NSG1: variants seen among roughly 807,000 people sequenced by gnomAD.
NSG1 encodes neuronal vesicle trafficking associated 1, also known as neuronal vesicle trafficking-associated protein 1.
Under a neutral mutation model 19.3 loss-of-function variants are expected in NSG1, and 9 were observed. The ratio of observed to expected loss-of-function variants is 0.47; its 90% CI spans 0.28 to 0.81. The LOEUF is 0.81. Ranked by LOEUF, NSG1 falls within the 40% of genes least tolerant of loss-of-function variation. NSG1 has a pLI of 0.11. For synonymous variants in NSG1, 104 were observed against 107.0 expected (o/e 0.97, Z 0.17); for missense variants, 236 against 242.4 (o/e 0.97, Z 0.18).
intron 3 of NSG1, among the ~76,000 whole-genome samples, chr4:4,394,664 G>A (rs756284503): frequency 6.6e-6 from 1 of 152,152 alleles, no homozygotes; most frequent in African/African-American, 2.4e-5. Context: ...CTCATCAGCC[G>A]CTCTATGCCA....
intron 4 of NSG1, chr4:4,415,898 G>A: frequency 1.8e-6 from 1 of 568,864 alleles, no homozygotes; most frequent in Non-Finnish European, 3.1e-6. Flanking sequence ...GGCCTGCAGA[G>A]CCTCCTTCCT....
In NSG1 at chr4:4,391,936, A is replaced by G. The variant is rs537760704; in HGVS notation, c.246+345A>G. 1.0e-4 allele frequency among the ~76,000 whole-genome samples: 16 copies of G among 152,390 alleles called. No homozygotes were observed. The South Asian group carries it at 3.1e-3, about 30-fold the overall frequency. ...AACAGTTCCAGGAAGGAAGCAGGCA[A>G]TAACAAAAAGATAACGCACAGCACT... On this transcript the variant is annotated intron_variant, in intron 3 of 4. Transcript: ENST00000621129.
chr4:4,417,484 AC>A lies in NSG1; in HGVS notation c.*50del. The A allele has an allele frequency of 6.6e-7, 1 of 1,504,536 alleles. No homozygotes were observed. Among genetic ancestry groups the A allele is most frequent in the Non-Finnish European group, 9.2e-7 (1 of 1,082,178 alleles). The allele number at this position is 1,504,536 out of a possible 1,614,324, so 93.2% of individuals were successfully genotyped here. A position where few individuals can be genotyped will look rare whatever the true frequency, so the allele number is the denominator to read the frequency against. ...TGTGTCACTTGCAAATAACAAAGGG[AC>A]TTTGAGGGACATTTCATTAAATATA... is the stretch of plus-strand genomic sequence containing the variant. On this transcript the variant is annotated 3_prime_UTR_variant, in exon 5 of 5. Transcript: ENST00000621129.
intron 3 of NSG1, among the ~76,000 whole-genome samples, chr4:4,401,643 G>A (rs527760868): frequency 1.3e-5 from 2 of 152,212 alleles, no homozygotes; most frequent in East Asian, 3.9e-4. Context: ...CCAGGGTGAC[G>A]CTGTGGGACC....
At chr4:4,399,361 T>C (rs183012645) in intron 3 of NSG1, among the ~76,000 whole-genome samples, 2 of 152,312 alleles carry the variant, frequency 1.3e-5, no homozygotes, top group African/African-American at 4.8e-5. Context: ...CAGGCTGGTC[T>C]CAAACTCCTG....
chr4:4,405,063 AT>A (rs1159129452), intron 3 of NSG1, among the ~76,000 whole-genome samples: 1 of 152,102 alleles, frequency 6.6e-6, no homozygotes, highest in African/African-American at 2.4e-5. Flanking sequence ...AGCAACAGAA[AT>A]TTACTCCCCC....
chr4:4,417,366 C>G lies in NSG1; in HGVS notation c.489C>G (p.Pro163=). The change falls in exon 5 of 5, where the codon CCC becomes CCG. Residue 163 remains proline, a synonymous_variant. Transcript: ENST00000621129. The stretch of plus-strand genomic sequence containing the variant: ...AGAGCATCACGCGCTCCGTATCGCC[C>G]TGGATGTCAGTTCTGTCAGAAGAGA... ...AKQSITRSVS[P]WMSVLSEEKL... is the part of the protein sequence containing the mutation. The G allele has an allele frequency of 6.2e-7, 1 of 1,614,178 alleles. No homozygotes were observed. Among genetic ancestry groups the G allele is most frequent in the African/African-American group, 1.3e-5 (1 of 75,046 alleles).
chr4:4,387,451 C>T (rs1337880203), intron 1 of NSG1, among the ~76,000 whole-genome samples, 153 bp from the exon 2 acceptor site: 1 of 152,060 alleles, frequency 6.6e-6, no homozygotes, highest in Non-Finnish European at 1.5e-5. Context: ...CGCATCGGGC[C>T]GTGACCACCG....
At chr4:4,398,249 G>A (rs898667799) in intron 3 of NSG1, among the ~76,000 whole-genome samples, 6 of 152,130 alleles carry the variant, frequency 3.9e-5, no homozygotes, top group African/African-American at 9.7e-5. Context: ...CACCACGCCC[G>A]GCTTGGCCCA....
Position 4,417,622 on chromosome 4 carries a change from A to G in NSG1, c.*187A>G, listed in dbSNP as rs1724650984. The G allele has an allele frequency of 8.3e-6, 5 of 604,556 alleles. No individual in the cohort carries two copies. The East Asian group carries it at 1.4e-4, about 17-fold the overall frequency. The allele number at this position is 604,556 out of a possible 1,614,324, so 37.4% of individuals were successfully genotyped here. ...CACCCACGGGCATAAAATCAAGTGC[A>G]TTTCAGCATTGCCTAAAGAGCTCTG... On this transcript the variant is annotated 3_prime_UTR_variant, in exon 5 of 5. Transcript: ENST00000621129.
chr4:4,387,873 C>T (rs1722816088), intron 2 of NSG1, 115 bp downstream of exon 2: 4 of 879,976 alleles, frequency 4.5e-6, no homozygotes, highest in African/African-American at 1.7e-5. Flanking sequence ...GGGGCGGGCT[C>T]GGGAGGCCGG....
chr4:4,403,685 C>T (rs1490135463), intron 3 of NSG1, among the ~76,000 whole-genome samples: 3 of 152,182 alleles, frequency 2.0e-5, no homozygotes, highest in South Asian at 4.1e-4. Flanking sequence ...ATTCAGCCAA[C>T]GACAGCCAGT....
intron 4 of NSG1, among the ~76,000 whole-genome samples, chr4:4,416,545 G>A (rs917382598): frequency 2.0e-5 from 3 of 152,208 alleles, no homozygotes; most frequent in East Asian, 3.9e-4. Flanking sequence ...CAGGGAAAAC[G>A]CCCCCGGCCC....
intron 4 of NSG1, among the ~76,000 whole-genome samples, chr4:4,414,222 ATGACCCAGGAGATGAAGCCCCAGTCC>A (rs1333542510): frequency 6.6e-6 from 1 of 151,644 alleles, no homozygotes; most frequent in African/African-American, 2.4e-5. Context: ...TGGGTGGGAG[ATGACCCAGGAGATGAAGCCCCAGTCC>A]TGTGTCCGGC....
chr4:4,393,846 C>T (rs1723115242), intron 3 of NSG1, among the ~76,000 whole-genome samples: 1 of 152,128 alleles, frequency 6.6e-6, no homozygotes, highest in Non-Finnish European at 1.5e-5. Context: ...CTTCCCAGAC[C>T]CCATCCCTTC....
intron 4 of NSG1, chr4:4,416,022 G>T (rs543422383): frequency 2.9e-6 from 2 of 694,962 alleles, no homozygotes; most frequent in Admixed American, 4.1e-5. Flanking sequence ...CTGTACTTCA[G>T]TGGTGTCTTT....
At chr4:4,413,133 G>A (rs1724310009) in intron 4 of NSG1, among the ~76,000 whole-genome samples, 1 of 152,070 alleles carries the variant, frequency 6.6e-6, no homozygotes, top group Non-Finnish European at 1.5e-5. Context: ...ACACAGCCGA[G>A]AGCCAGTCAG....
intron 4 of NSG1, among the ~76,000 whole-genome samples, chr4:4,411,720 G>T (rs1190977686): frequency 1.4e-5 from 2 of 144,026 alleles, no homozygotes; most frequent in African/African-American, 5.7e-5. Context: ...CTCCAGCCTG[G>T]GCAACAGAGG....
intron 2 of NSG1, among the ~76,000 whole-genome samples, chr4:4,388,196 T>C (rs1722835419): frequency 6.6e-6 from 1 of 152,212 alleles, no homozygotes; most frequent in Non-Finnish European, 1.5e-5. Flanking sequence ...GGGAGCGTTC[T>C]CCTTGGTCAG....
Sources: gnomAD v4.1 joint callset for allele counts (sites outside exome capture counted in the v4.1 genomes callset) on GRCh38, gnomAD v4.1.1 for gene constraint, MANE v1.5 for transcripts, NCBI Gene and HGNC (gene_info 2026-07-23, HGNC 2026-07-21) for gene names.